The following FANCB variants were observed in gnomAD, a reference collection of about 807,000 sequenced individuals.
FANCB encodes Fanconi anemia group B protein.
Under a neutral mutation model 38.9 loss-of-function variants are expected in FANCB, and 5 were observed. That is an observed-to-expected ratio of 0.13 (90% confidence interval 0.07 to 0.27). The LOEUF (loss-of-function observed/expected upper bound fraction) is 0.27, where lower values mean the gene tolerates loss of function less well. Among genes scored for constraint, FANCB ranks in the 10% least tolerant of loss-of-function variants. The pLI, the probability that FANCB is intolerant of heterozygous loss-of-function variation, is 1.00. For missense variants in FANCB, 573 were observed against 602.7 expected (o/e 0.95, Z 0.52); for synonymous variants, 236 against 215.4 (o/e 1.10, Z -0.84).
At chrX:14,775,874 C>G in the FANCB span, among the ~76,000 whole-genome samples, 1 of 111,238 alleles carries the variant, frequency 9.0e-6, no homozygotes, top group Non-Finnish European at 1.9e-5. Flanking sequence ...CCTAAGAGCT[C>G]TGTAAGGCAC....
the FANCB span, among the ~76,000 whole-genome samples, chrX:14,715,465 C>A: frequency 1.8e-5 from 2 of 111,614 alleles, no homozygotes; most frequent in South Asian, 7.5e-4. Flanking sequence ...CTGGGGATAT[C>A]AAAATATGTC....
At chrX:14,771,555 C>T in the FANCB span, among the ~76,000 whole-genome samples, 2 of 111,565 alleles carry the variant, frequency 1.8e-5, no homozygotes, top group African/African-American at 3.3e-5. Context: ...CATGATTCTT[C>T]GCTTCTTTTC....
rs2092361899 is a variant in FANCB, at chrX:14,843,582, T to TTATAAA, written c.2564_2565insTTTATA (p.Lys855delinsAsnLeuTer). On this transcript the variant is annotated stop_gained and protein_altering_variant, in exon 10 of 10. Coordinates refer to ENST00000650831, the MANE Select transcript of FANCB (RefSeq NM_001018113.3). LOFTEE classifies it high-confidence loss of function. ...GAAATTATAATTATAAATTACTCAG[T>TTATAAA]TTCTGTGCAGCAAAGTCTGATTTCA... 5 of 1,179,717 alleles carry TTATAAA rather than the reference T, an allele frequency of 4.2e-6. No individual in the cohort carries two copies. The African/African-American group carries it at 8.9e-5, about 21-fold the overall frequency.
the FANCB span, among the ~76,000 whole-genome samples, chrX:14,826,901 T>C: frequency 8.9e-6 from 1 of 111,740 alleles, no homozygotes; most frequent in African/African-American, 3.2e-5. Context: ...TTTTGTTTCT[T>C]TTTTTTACAT....
the FANCB span, among the ~76,000 whole-genome samples, chrX:14,812,789 G>C: frequency 1.7e-4 from 19 of 111,332 alleles, no homozygotes; most frequent in Admixed American, 5.7e-4. Context: ...AACAGAAAAA[G>C]AGGGAATCCT....
downstream of FANCB, among the ~76,000 whole-genome samples, chrX:14,843,225 C>T (rs1009999757): frequency 9.0e-6 from 1 of 111,416 alleles, no homozygotes; most frequent in East Asian, 2.8e-4. Flanking sequence ...TTGTAGGGGG[C>T]TGTCTTGTGC....
At chrX:14,771,841 ATGT>A in the FANCB span, among the ~76,000 whole-genome samples, 6 of 111,172 alleles carry the variant, frequency 5.4e-5, no homozygotes, top group Non-Finnish European at 7.6e-5. Flanking sequence ...TTTGTTGTTC[ATGT>A]TGTTGTTGTT....
chrX:14,835,440 G>A (rs1249269653), downstream of FANCB: 10 of 316,488 alleles, frequency 3.2e-5, no homozygotes. Flanking sequence ...ATATACAACT[G>A]TGGCTGAGAA....
the FANCB span, among the ~76,000 whole-genome samples, chrX:14,735,647 C>G: frequency 8.9e-6 from 1 of 111,938 alleles, no homozygotes; most frequent in Non-Finnish European, 1.9e-5. Context: ...CCAGCCGGAG[C>G]TCTCCTGCAT....
chrX:14,860,603 T>C (rs2092442660), intron 3 of FANCB, among the ~76,000 whole-genome samples: 1 of 112,292 alleles, frequency 8.9e-6, no homozygotes, highest in Non-Finnish European at 1.9e-5. Context: ...GAAATTTTAA[T>C]ATATCTAACA....
At chrX:14,852,151 T>TA (rs1158351663) in intron 6 of FANCB, among the ~76,000 whole-genome samples, 1 of 110,445 alleles carries the variant, frequency 9.1e-6, no homozygotes, top group Non-Finnish European at 1.9e-5. Context: ...AGTTACCACA[T>TA]AAGAGACCCA....
At chrX:14,861,878 C>T (rs915258158) in intron 3 of FANCB, among the ~76,000 whole-genome samples, 1 of 110,366 alleles carries the variant, frequency 9.1e-6, no homozygotes, top group Non-Finnish European at 1.9e-5. Context: ...ACAGATCTTG[C>T]TCTGTCAACC....
chrX:14,813,927 A>AC, the FANCB span, among the ~76,000 whole-genome samples: 1 of 111,822 alleles, frequency 8.9e-6, no homozygotes, highest in South Asian at 3.7e-4. Context: ...TTCAAACTAT[A>AC]CCACAAGGCT....
chrX:14,740,388 C>T, the FANCB span, among the ~76,000 whole-genome samples: 1 of 111,291 alleles, frequency 9.0e-6, no homozygotes, highest in Non-Finnish European at 1.9e-5. Flanking sequence ...TCCCATCATG[C>T]TCGGCCATAC....
At chrX:14,844,480 A>C (rs779253842) in intron 9 of FANCB, 23 bp downstream of exon 9, 1 of 1,066,419 alleles carries the variant, frequency 9.4e-7, no homozygotes, top group Non-Finnish European at 1.3e-6. Flanking sequence ...TCTCTGGACC[A>C]ATTACAATTT....
intron 5 of FANCB, among the ~76,000 whole-genome samples, chrX:14,856,414 C>T (rs1478441354): frequency 9.0e-6 from 1 of 111,527 alleles, no homozygotes; most frequent in East Asian, 2.8e-4. Flanking sequence ...AATATTTTGT[C>T]AGGTATTACA....
chrX:14,872,039 A>T (rs1201973802), intron 1 of FANCB, among the ~76,000 whole-genome samples: 1 of 111,813 alleles, frequency 8.9e-6, no homozygotes, highest in African/African-American at 3.3e-5. Context: ...ATGATCCAAA[A>T]TAAAAAAATG....
intron 6 of FANCB, among the ~76,000 whole-genome samples, chrX:14,850,936 G>A (rs2092398861): frequency 9.0e-6 from 1 of 110,728 alleles, no homozygotes; most frequent in South Asian, 3.8e-4. Flanking sequence ...AGCCAAAAGG[G>A]AGGTAAACCT....
chrX:14,854,496 T>G (rs942632845), intron 5 of FANCB, among the ~76,000 whole-genome samples: 2 of 111,652 alleles, frequency 1.8e-5, no homozygotes, highest in Admixed American at 1.9e-4. Flanking sequence ...CACCTCACCT[T>G]CTCTTCCTAG....
Sources: allele counts gnomAD v4.1 joint callset (sites outside exome capture counted in the v4.1 genomes callset), GRCh38; gene constraint gnomAD v4.1.1; transcripts MANE v1.5; gene names NCBI Gene and HGNC (gene_info 2026-07-23, HGNC 2026-07-21).